The following NTNG2 variants were observed in gnomAD, a reference collection of about 807,000 sequenced individuals.
The protein encoded by NTNG2 is netrin G2.
A neutral mutation model predicts 47.6 loss-of-function variants in NTNG2; 15 were observed. The ratio of observed to expected loss-of-function variants is 0.32; its 90% CI spans 0.21 to 0.49. NTNG2 has a LOEUF of 0.49. NTNG2 is among the 20% of genes least tolerant of loss of function. The pLI is 0.99. For missense variants in NTNG2, 578 were observed against 764.6 expected, an observed-to-expected ratio of 0.76 and a Z score of 2.88; for synonymous variants, 307 against 324.6, an observed-to-expected ratio of 0.95 and a Z score of 0.58.
At chr9:132,174,221 C>T (rs1039447787) in intron 2 of NTNG2, among the ~76,000 whole-genome samples, 24 of 144,324 alleles carry the variant, frequency 1.7e-4, no homozygotes, top group East Asian at 2.1e-4. Context: ...GATGGACGGA[C>T]GGACAGACAG....
At position 132,236,792 on chromosome 9, in the gene NTNG2, G is replaced by A. The variant is rs987276932; in HGVS notation, c.1055-2312G>A. ...TGGCCTGCTCACCCACAGATAGGGC[G>A]TTGGGGTCCCAGCGGGATTCTGGGC... On this transcript the variant is annotated intron_variant, in intron 5 of 7. Coordinates refer to ENST00000393229, the MANE Select transcript of NTNG2 (RefSeq NM_032536.4). This position sits in a 1 kb window ranked among gnomAD's most constrained non-coding sequence, Gnocchi z 4.3. Among the ~76,000 whole-genome samples the A allele has an allele frequency of 6.6e-6, 1 of 152,224 alleles. No homozygotes were observed. The highest frequency in any genetic ancestry group is 6.5e-5 in the Admixed American group (1 of 15,284).
At position 132,182,568 on chromosome 9, in the gene NTNG2, T is replaced by C. The variant is rs953017333; in HGVS notation, c.214-15398T>C. On this transcript the variant is annotated intron_variant, in intron 2 of 7. Coordinates refer to ENST00000393229, the MANE Select transcript of NTNG2 (RefSeq NM_032536.4). The surrounding 1 kb of genome is among the most constrained non-coding windows in gnomAD (Gnocchi z 4.2). ...TGGAGGCAGCAGCCACGACCTTGGG[T>C]GGACGCTGCGCCTCATCAGCCCTGA... Among the ~76,000 whole-genome samples, 1 of 152,168 alleles carries C rather than the reference T, an allele frequency of 6.6e-6. No homozygotes were observed. Among genetic ancestry groups the C allele is most frequent in the South Asian group, 2.1e-4 (1 of 4,830 alleles).
intron 2 of NTNG2, among the ~76,000 whole-genome samples, chr9:132,193,424 G>A (rs1002154863): frequency 6.6e-6 from 1 of 152,144 alleles, no homozygotes; most frequent in South Asian, 2.1e-4. Flanking sequence ...AGGGCCTCCT[G>A]GAGGAGGCAC....
intron 2 of NTNG2, among the ~76,000 whole-genome samples, chr9:132,194,875 G>C (rs1227765510): frequency 6.6e-6 from 1 of 152,268 alleles, no homozygotes; most frequent in African/African-American, 2.4e-5. Flanking sequence ...TGCTGCAGTG[G>C]CACCTGGTGG....
At chr9:132,227,146 C>G (rs897554338) in intron 4 of NTNG2, 125 bp downstream of exon 4, 8 of 1,050,160 alleles carry the variant, frequency 7.6e-6, no homozygotes, top group African/African-American at 1.6e-5. Flanking sequence ...TGTGCACATG[C>G]ATGCAAACGT....
Position 132,166,935 on chromosome 9 carries a change from A to G in NTNG2, c.104A>G (p.Glu35Gly), listed in dbSNP as rs45538935. The change falls in exon 2 of 8, where the codon GAG becomes GGG. Residue 35 changes from glutamate to glycine, a missense_variant. Physicochemically the swap from Glu to Gly is moderately conservative, Grantham distance 98. Coordinates refer to ENST00000393229, the MANE Select transcript of NTNG2 (RefSeq NM_032536.4). The part of the protein sequence containing the change: ...WVTTDEGPTW[E>G]FYACQPKVMR... ...ACCACAGATGAGGGCCCCACCTGGG[A>G]GTTCTACGCCTGCCAGCCCAAGGTG... The G allele has an allele frequency of 1.2e-6, 2 of 1,614,204 alleles. No homozygotes were observed. Among genetic ancestry groups the G allele is most frequent in the Non-Finnish European group, 1.7e-6 (2 of 1,180,042 alleles).
chr9:132,231,327 T>G lies in NTNG2; in HGVS notation c.1054+732T>G, dbSNP rs1052006862. 6 of 456,252 alleles carry G rather than the reference T, an allele frequency of 1.3e-5. No individual in the cohort carries two copies. Among genetic ancestry groups the G allele is most frequent in the African/African-American group, 1.2e-4 (6 of 50,046 alleles). The allele number at this position is 456,252 out of a possible 1,614,324, so 28.3% of individuals were successfully genotyped here. A position where few individuals can be genotyped will look rare whatever the true frequency, so the allele number is the denominator to read the frequency against. On this transcript the variant is annotated intron_variant, in intron 5 of 7. Coordinates refer to ENST00000393229, the MANE Select transcript of NTNG2 (RefSeq NM_032536.4). This position sits in a 1 kb window ranked among gnomAD's most constrained non-coding sequence, Gnocchi z 4.1. ...AACCCCTCCCCCTGGGAGGTCGCCA[T>G]CTGCTCTGCGAGGCAGCAGGAGAGG...
At chr9:132,229,558 C>T (rs1314059217) in intron 4 of NTNG2, among the ~76,000 whole-genome samples, 1 of 152,216 alleles carries the variant, frequency 6.6e-6, no homozygotes, top group East Asian at 1.9e-4. Context: ...CCTGATGTCC[C>T]GCCTGTCCCC....
chr9:132,168,392 G>A (rs765172585), intron 2 of NTNG2, among the ~76,000 whole-genome samples: 4 of 152,204 alleles, frequency 2.6e-5, no homozygotes, highest in African/African-American at 9.7e-5. Flanking sequence ...GGGCTGACCC[G>A]GTGCCCCCAC....
intron 2 of NTNG2, among the ~76,000 whole-genome samples, chr9:132,189,047 T>A (rs914603249): frequency 1.4e-5 from 2 of 147,222 alleles, no homozygotes; most frequent in Non-Finnish European, 3.0e-5. Context: ...AAGTTTTATG[T>A]GAAAAAGGCT....
At position 132,163,625 on chromosome 9, in the gene NTNG2, A is replaced by C. The variant is rs9411447; in HGVS notation, c.-484+1386A>C. On this transcript the variant is annotated intron_variant, in intron 1 of 7. Transcript: ENST00000393229. This position sits in a 1 kb window ranked among gnomAD's most constrained non-coding sequence, Gnocchi z 7.2. ...GGAGAGGGAACCCCGGGGTGGGCTG[A>C]GTATCCCCCCTAGCCCCGGGAGCCC... Among the ~76,000 whole-genome samples, 1 of 151,712 alleles carries C rather than the reference A, an allele frequency of 6.6e-6. No homozygotes were observed. The highest frequency in any genetic ancestry group is 2.4e-5 in the African/African-American group (1 of 41,336).
chr9:132,239,140 A>C lies in NTNG2; in HGVS notation c.1091A>C (p.Tyr364Ser), dbSNP rs1336036128. ...TACGGTCACTCCAACCGCTGCAGCT[A>C]CATTGACTTCCTGAATGTGGTGACC... is the stretch of plus-strand genomic sequence containing the variant. ...ECYGHSNRCS[Y>S]IDFLNVVTCV... The change falls in exon 6 of 8, where the codon TAC (tyrosine) becomes TCC (serine). Residue 364 changes from tyrosine to serine, a missense_variant. Coordinates refer to ENST00000393229, the MANE Select transcript of NTNG2 (RefSeq NM_032536.4). 6.2e-7 allele frequency: 1 copy of C among 1,613,860 alleles called. No individual in the cohort carries two copies. Among genetic ancestry groups the C allele is most frequent in the East Asian group, 2.2e-5 (1 of 44,898 alleles).
intron 4 of NTNG2, among the ~76,000 whole-genome samples, chr9:132,227,932 T>G (rs1338374856): frequency 1.3e-5 from 2 of 152,218 alleles, no homozygotes; most frequent in Admixed American, 6.5e-5. Context: ...CTCAAGTGTG[T>G]GGTTGGTGTC....
chr9:132,230,457 C>A, intron 4 of NTNG2, 115 bp from the exon 5 acceptor site: 1 of 896,070 alleles, frequency 1.1e-6, no homozygotes, highest in Non-Finnish European at 1.8e-6. Flanking sequence ...AGCAGGTGCT[C>A]TTGAGGGAGC....
Position 132,162,686 on chromosome 9 carries a change from C to G in NTNG2, c.-484+447C>G, listed in dbSNP as rs1176192831. Among the ~76,000 whole-genome samples the G allele has an allele frequency of 6.6e-6, 1 of 151,458 alleles. No homozygotes were observed. Among genetic ancestry groups the G allele is most frequent in the East Asian group, 1.9e-4 (1 of 5,136 alleles). On this transcript the variant is annotated intron_variant, in intron 1 of 7. Transcript: ENST00000393229. This position sits in a 1 kb window ranked among gnomAD's most constrained non-coding sequence, Gnocchi z 4.6. ...GGAAACTAACCCTGCTCCCGCGCCT[C>G]TCCCCCACCCCAATTCCACCGCCAC...
chr9:132,188,366 G>A (rs549065140), intron 2 of NTNG2, among the ~76,000 whole-genome samples: 2 of 152,254 alleles, frequency 1.3e-5, no homozygotes, highest in African/African-American at 2.4e-5. Flanking sequence ...GTCTGCGGGA[G>A]CACAGTGCGG....
intron 3 of NTNG2, among the ~76,000 whole-genome samples, chr9:132,213,588 A>G (rs1839766551): frequency 6.6e-6 from 1 of 152,154 alleles, no homozygotes. Flanking sequence ...CTCCTCCTTC[A>G]TCCTGCAGAA....
intron 2 of NTNG2, among the ~76,000 whole-genome samples, chr9:132,187,596 AGG>A (rs1491583424): frequency 8.7e-5 from 12 of 137,956 alleles, no homozygotes; most frequent in East Asian, 2.5e-4. Context: ...AGAGAGAGAG[AGG>A]GACAGAAAAC....
At position 132,197,846 on chromosome 9, in the gene NTNG2, G is replaced by A. The variant is rs1838427336; in HGVS notation, c.214-120G>A. The A allele has an allele frequency of 1.1e-6, 1 of 905,138 alleles. No individual in the cohort carries two copies. 56.1% of individuals were successfully genotyped at this position (905,138 alleles called of 1,614,324 possible). A position where few individuals can be genotyped will look rare whatever the true frequency, so the allele number is the denominator to read the frequency against. On this transcript the variant is annotated intron_variant, in intron 2 of 7. Coordinates refer to ENST00000393229, the MANE Select transcript of NTNG2 (RefSeq NM_032536.4). The surrounding 1 kb of genome is among the most constrained non-coding windows in gnomAD (Gnocchi z 4.3). ...AGCTGTGTCTGGGCACCGGAGCACAGGCCCTGTAGCCACAGAGCAGGTTTC... is the reference window on the plus strand; with the variant it reads ...AGCTGTGTCTGGGCACCGGAGCACAAGCCCTGTAGCCACAGAGCAGGTTTC...
Sources: allele counts gnomAD v4.1 joint callset (sites outside exome capture counted in the v4.1 genomes callset), GRCh38; gene constraint gnomAD v4.1.1; non-coding constraint Gnocchi (gnomAD v3.1); transcripts MANE v1.5; gene names NCBI Gene and HGNC (gene_info 2026-07-23, HGNC 2026-07-21).